The following CD40 variants were observed in gnomAD, a reference collection of about 807,000 sequenced individuals.
CD40 encodes tumor necrosis factor receptor superfamily member 5.
CD40 carries 19 observed loss-of-function variants against 38.5 expected under a neutral mutation model. That is an observed-to-expected ratio of 0.49 (90% CI 0.34 to 0.72). The LOEUF is 0.72. Ranked by LOEUF, CD40 falls within the 30% of genes least tolerant of loss-of-function variation. The pLI, the probability that CD40 is intolerant of heterozygous loss-of-function variation, is 0.01. For missense variants in CD40, 256 were observed against 344.1 expected, an observed-to-expected ratio of 0.74 and a Z score of 2.03; for synonymous variants, 130 against 128.7, an observed-to-expected ratio of 1.01 and a Z score of -0.07.
At position 46,122,272 on chromosome 20, in the gene CD40, C is replaced by G; in HGVS notation, c.170C>G (p.Thr57Arg). Residue 57 changes from threonine to arginine, a missense_variant, in exon 3 of 9, where the codon ACG becomes AGG. Transcript: ENST00000372285. The surrounding 1 kb of genome is among the most constrained non-coding windows in gnomAD (Gnocchi z 5.0). ...LVSDCTEFTE[T>R]ECLPCGESEF... ...AGTGACTGCACAGAGTTCACTGAAACGGAATGCCTTCCTTGCGGTGAAAGC... is the reference window on the plus strand; with the variant it reads ...AGTGACTGCACAGAGTTCACTGAAAGGGAATGCCTTCCTTGCGGTGAAAGC... 6.2e-7 allele frequency: 1 copy of G among 1,614,124 alleles called. No homozygotes were observed. The highest frequency in any genetic ancestry group is 8.5e-7 in the Non-Finnish European group (1 of 1,179,988).
Position 46,118,319 on chromosome 20 carries a change from T to G in CD40, c.-25T>G, listed in dbSNP as rs1783911328. 2 of 1,612,332 alleles carry G rather than the reference T, an allele frequency of 1.2e-6. No homozygotes were observed. Among genetic ancestry groups the G allele is most frequent in the Non-Finnish European group, 1.7e-6 (2 of 1,179,232 alleles). On this transcript the variant is annotated 5_prime_UTR_variant, in exon 1 of 9. Transcript: ENST00000372285. ...GAGGCCTCGCTCGGGCGCCCAGTGGTCCTGCCGCCTGGTCTCACCTCGCTA... is the reference window on the plus strand; with the variant it reads ...GAGGCCTCGCTCGGGCGCCCAGTGGGCCTGCCGCCTGGTCTCACCTCGCTA...
chr20:46,118,330 G>C lies in CD40; in HGVS notation c.-14G>C. On this transcript the variant is annotated 5_prime_UTR_variant, in exon 1 of 9. Transcript: ENST00000372285. Reference sequence around the variant, plus strand: ...CGGGCGCCCAGTGGTCCTGCCGCCTGGTCTCACCTCGCTATGGTTCGTCTG... The same window carrying C: ...CGGGCGCCCAGTGGTCCTGCCGCCTCGTCTCACCTCGCTATGGTTCGTCTG... 6.2e-7 allele frequency: 1 copy of C among 1,613,384 alleles called. No individual in the cohort carries two copies. The highest frequency in any genetic ancestry group is 8.5e-7 in the Non-Finnish European group (1 of 1,179,758).
chr20:46,122,175 T>A lies in CD40; in HGVS notation c.131-58T>A. ...AAAGCCTGGCCTGATCATTGTGTGG[T>A]TAGTGTCTGACTCATGGAGTTGGCC... On this transcript the variant is annotated intron_variant, in intron 2 of 8. Transcript: ENST00000372285. The surrounding 1 kb of genome is among the most constrained non-coding windows in gnomAD (Gnocchi z 5.0). The A allele has an allele frequency of 6.2e-7, 1 of 1,604,334 alleles. No individual in the cohort carries two copies. The highest frequency in any genetic ancestry group is 8.5e-7 in the Non-Finnish European group (1 of 1,171,172).
chr20:46,125,474 G>A (rs2085415323), intron 5 of CD40, among the ~76,000 whole-genome samples: 1 of 149,902 alleles, frequency 6.7e-6, no homozygotes, highest in Non-Finnish European at 1.5e-5. Context: ...AACCTGGGAG[G>A]TGGAGGTTGC....
intron 1 of CD40, 72 bp downstream of exon 1, chr20:46,118,466 G>C: frequency 7.1e-7 from 1 of 1,404,282 alleles, no homozygotes; most frequent in South Asian, 1.2e-5. Context: ...GGAAGACTTC[G>C]GGGAAGAGGC....
intron 8 of CD40, 35 bp from the exon 9 acceptor site, chr20:46,128,847 G>T (rs1879639780): frequency 6.2e-7 from 1 of 1,612,358 alleles, no homozygotes; most frequent in Admixed American, 1.7e-5. Context: ...AGCTGCCCCT[G>T]CTGCTGGGGG....
chr20:46,126,195 A>G (rs1450127846), intron 5 of CD40, among the ~76,000 whole-genome samples: 2 of 152,168 alleles, frequency 1.3e-5, no homozygotes, highest in Non-Finnish European at 2.9e-5. Context: ...TGCAATGCAT[A>G]GGACAGCCCA....
intron 1 of CD40, among the ~76,000 whole-genome samples, chr20:46,120,450 C>G (rs889623465): frequency 2.0e-5 from 3 of 152,246 alleles, no homozygotes; most frequent in Non-Finnish European, 4.4e-5. Context: ...TGTTCCCAAA[C>G]TGTGGGACAG....
rs375622419 is a variant in CD40 at position 46,118,410 on chromosome 20, C to A, written c.51+16C>A. On this transcript the variant is annotated intron_variant, in intron 1 of 8. Coordinates refer to ENST00000372285, the MANE Select transcript of CD40 (RefSeq NM_001250.6). Reference sequence around the variant, plus strand: ...GCTGACCGCTGTGAGTTGTTTTTGCCCCGACCAGACGGGAGTTGGGAGTGG... The same window carrying A: ...GCTGACCGCTGTGAGTTGTTTTTGCACCGACCAGACGGGAGTTGGGAGTGG... 1 of 1,613,458 alleles carries A rather than the reference C, an allele frequency of 6.2e-7. No individual in the cohort carries two copies. Among genetic ancestry groups the A allele is most frequent in the Non-Finnish European group, 8.5e-7 (1 of 1,179,572 alleles).
chr20:46,124,770 T>TTTTTTTTTTG, intron 5 of CD40, among the ~76,000 whole-genome samples: 1 of 113,146 alleles, frequency 8.8e-6, no homozygotes, highest in Non-Finnish European at 1.8e-5. Flanking sequence ...TTTTTTTTTT[T>TTTTTTTTTTG]TTTTTTTTTT....
Position 46,129,150 on chromosome 20 carries a change from A to G in CD40, c.*110A>G. 1 of 1,238,774 alleles carries G rather than the reference A, an allele frequency of 8.1e-7. No individual in the cohort carries two copies. Among genetic ancestry groups the G allele is most frequent in the Non-Finnish European group, 1.2e-6 (1 of 853,406 alleles). 76.7% of individuals were successfully genotyped at this position (1,238,774 alleles called of 1,614,324 possible). The stretch of plus-strand genomic sequence containing the variant: ...GGTGAGGGGCTGGCACTGACTGGGC[A>G]TAGCTCCCCGCTTCTGCCTGCACCC... On this transcript the variant is annotated 3_prime_UTR_variant, in exon 9 of 9. Coordinates refer to ENST00000372285, the MANE Select transcript of CD40 (RefSeq NM_001250.6).
chr20:46,120,221 C>T (rs1392185311), intron 1 of CD40, among the ~76,000 whole-genome samples: 2 of 152,198 alleles, frequency 1.3e-5, no homozygotes, highest in African/African-American at 2.4e-5. Flanking sequence ...TTAAAATTGC[C>T]ATTTAATGAG....
chr20:46,122,456 G>T lies in CD40; in HGVS notation c.256+98G>T. The T allele has an allele frequency of 6.3e-7, 1 of 1,582,690 alleles. No homozygotes were observed. The stretch of plus-strand genomic sequence containing the variant: ...TATGTAGCCAGGGTCTGCTCTGATT[G>T]GTTGGAGTCCGGGCTGTACTGATCA... On this transcript the variant is annotated intron_variant, in intron 3 of 8. Coordinates refer to ENST00000372285, the MANE Select transcript of CD40 (RefSeq NM_001250.6). The surrounding 1 kb of genome is among the most constrained non-coding windows in gnomAD (Gnocchi z 5.0).
chr20:46,126,865 TC>T (rs1191643657), intron 6 of CD40, 164 bp downstream of exon 6: 10 of 1,130,410 alleles, frequency 8.8e-6, no homozygotes, highest in Non-Finnish European at 1.3e-5. Context: ...GCAAATCACT[TC>T]CCCTCTCTTA....
rs1186534150 is a variant in CD40 at position 46,129,413 on chromosome 20, CA to C, written c.*374del. ...CCCTGCGCCCAGGAAGCCATATACA[CA>C]GATGCCCATTGCAGCATTGTTTGTG... On this transcript the variant is annotated 3_prime_UTR_variant, in exon 9 of 9. Transcript: ENST00000372285. The C allele has an allele frequency of 3.2e-6, 1 of 308,776 alleles. No individual in the cohort carries two copies. The highest frequency in any genetic ancestry group is 6.4e-6 in the Non-Finnish European group (1 of 156,884). 19.1% of individuals were successfully genotyped at this position (308,776 alleles called of 1,614,324 possible). A position where few individuals can be genotyped will look rare whatever the true frequency, so the allele number is the denominator to read the frequency against.
Position 46,128,304 on chromosome 20 carries a change from CTTTTTTTTTTTTT to C in CD40, c.647-15_647-3del. ...TATCTGGCCTCTCCAACTCCCCATCCTTTTTTTTTTTTTTTTTTTTTTTAGAAAAGGTGGCCAA... is the reference window on the plus strand; with the variant it reads ...TATCTGGCCTCTCCAACTCCCCATCCTTTTTTTTTTAGAAAAGGTGGCCAA... On this transcript the variant is annotated splice_polypyrimidine_tract_variant and intron_variant, in intron 7 of 8. Transcript: ENST00000372285. 1.4e-6 allele frequency: 2 copies of C among 1,439,752 alleles called. No individual in the cohort carries two copies. Among genetic ancestry groups the C allele is most frequent in the South Asian group, 1.3e-5 (1 of 78,352 alleles). 89.2% of individuals were successfully genotyped at this position (1,439,752 alleles called of 1,614,324 possible). A position where few individuals can be genotyped will look rare whatever the true frequency, so the allele number is the denominator to read the frequency against.
rs1383585233 is a variant in CD40 at position 46,123,110 on chromosome 20, C to A, written c.404-16C>A. 6.3e-7 allele frequency: 1 copy of A among 1,599,522 alleles called. No individual in the cohort carries two copies. The highest frequency in any genetic ancestry group is 1.7e-4 in the Middle Eastern group (1 of 6,016). On this transcript the variant is annotated splice_polypyrimidine_tract_variant and intron_variant, in intron 4 of 8. Transcript: ENST00000372285. ...CCACTGTGATGGTTAATGTCCCCCT[C>A]CCCACCCACTCCCAGCTACAGGGGT...
In CD40 at chr20:46,121,925, C is replaced by T. The variant is rs1204929100; in HGVS notation, c.130+27C>T. ...TGAGATGCCAACCCTCTAGCCCCATCATGGAGTCCCCCTTTGCTTTGGTGG... is the reference window on the plus strand; with the variant it reads ...TGAGATGCCAACCCTCTAGCCCCATTATGGAGTCCCCCTTTGCTTTGGTGG... On this transcript the variant is annotated intron_variant, in intron 2 of 8. Transcript: ENST00000372285. 4.4e-6 allele frequency: 7 copies of T among 1,576,704 alleles called. No individual in the cohort carries two copies. The Admixed American group carries it at 1.2e-4, about 26-fold the overall frequency.
intron 1 of CD40, among the ~76,000 whole-genome samples, chr20:46,119,931 C>T (rs756260918): frequency 2.6e-5 from 4 of 152,090 alleles, no homozygotes; most frequent in Non-Finnish European, 5.9e-5. Flanking sequence ...TTTAGGGGAG[C>T]GTTTTATTTC....
Sources: allele counts gnomAD v4.1 joint callset (sites outside exome capture counted in the v4.1 genomes callset), GRCh38; gene constraint gnomAD v4.1.1; non-coding constraint Gnocchi (gnomAD v3.1); transcripts MANE v1.5; gene names NCBI Gene and HGNC (gene_info 2026-07-23, HGNC 2026-07-21).